Variants in TMEM132B observed in about 807,000 individuals in gnomAD.
TMEM132B encodes transmembrane protein 132B.
TMEM132B carries 18 observed loss-of-function variants against 90.8 expected under a neutral mutation model. That is an observed-to-expected ratio of 0.20 (90% CI 0.14 to 0.29). The LOEUF is 0.29. Ranked by LOEUF, TMEM132B falls within the 10% of genes least tolerant of loss-of-function variation. The pLI is 1.00. For missense variants in TMEM132B, 1,096 were observed against 1,326.8 expected, an observed-to-expected ratio of 0.83 and a Z score of 2.70; for synonymous variants, 504 against 523.3, an observed-to-expected ratio of 0.96 and a Z score of 0.50.
At position 125,652,465 on chromosome 12, in the gene TMEM132B, A is replaced by G; in HGVS notation, c.1939A>G (p.Ile647Val). The change falls in exon 8 of 9, where the codon ATC becomes GTC. Residue 647 changes from isoleucine (I) to valine (V), a missense_variant. By Grantham distance (29) the Ile-to-Val change is conservative. Coordinates refer to ENST00000682704, the MANE Select transcript of TMEM132B (RefSeq NM_001366854.1). ...GGTCCTCTCGCCGTTGTCTGACTCC[A>G]TCCTGGCTGAGAAGACGGTGATTGT... ...VQVLSPLSDS[I>V]LAEKTVIVLD... The G allele has an allele frequency of 6.2e-7, 1 of 1,609,924 alleles. No individual in the cohort carries two copies.
chr12:125,264,970 C>T (rs1379849914), intron 1 of TMEM132B, among the ~76,000 whole-genome samples: 1 of 152,144 alleles, frequency 6.6e-6, no homozygotes, highest in African/African-American at 2.4e-5. Context: ...GTGATTTTGT[C>T]ACTGTGCGAA....
Position 125,411,565 on chromosome 12 carries a change from A to T in TMEM132B, c.960-3966A>T, listed in dbSNP as rs142373954. On this transcript the variant is annotated intron_variant, in intron 2 of 8. Transcript: ENST00000682704. Reference sequence around the variant, plus strand: ...AAAAACCGGAGATGCCCAGTTGGCCAAACCTCTAGGGTACGTGTGAGGGGT... The same window carrying T: ...AAAAACCGGAGATGCCCAGTTGGCCTAACCTCTAGGGTACGTGTGAGGGGT... 3.7e-3 allele frequency among the ~76,000 whole-genome samples: 563 copies of T among 152,296 alleles called. 7 individuals are homozygous for T. Among genetic ancestry groups the T allele is most frequent in the African/African-American group, 0.013 (543 of 41,550 alleles).
At chr12:125,201,182 G>A (rs1283017762) in intron 1 of TMEM132B, among the ~76,000 whole-genome samples, 1 of 152,136 alleles carries the variant, frequency 6.6e-6, no homozygotes, top group African/African-American at 2.4e-5. Context: ...ATTTCAGGGG[G>A]AAAAGTATTG....
intron 4 of TMEM132B, among the ~76,000 whole-genome samples, chr12:125,529,457 C>G (rs910169050): frequency 6.6e-6 from 1 of 152,086 alleles, no homozygotes; most frequent in Non-Finnish European, 1.5e-5. Flanking sequence ...GCCTGGTGGC[C>G]CCAAAGGCCA....
chr12:125,517,326 G>GGTTTTTTTTTTT lies in TMEM132B; in HGVS notation c.1107-2113_1107-2112insGTTTTTTTTTTT, dbSNP rs1566060662. ...CAGGCGCCCGCCACCATGCCCTGCTGATTTTTTTTTTTTTTTTTTTTTTTT... is the reference window on the plus strand; with the variant it reads ...CAGGCGCCCGCCACCATGCCCTGCTGGTTTTTTTTTTTATTTTTTTTTTTTTTTTTTTTTTTT... On this transcript the variant is annotated intron_variant, in intron 3 of 8. Transcript: ENST00000682704. 3.4e-5 allele frequency among the ~76,000 whole-genome samples: 3 copies of GGTTTTTTTTTTT among 88,032 alleles called. 1 individual carries two copies. The highest frequency in any genetic ancestry group is 7.7e-5 in the African/African-American group (2 of 25,968). The allele number at this position is 88,032 out of a possible 152,430, so 57.8% of individuals were successfully genotyped here. A position where few individuals can be genotyped will look rare whatever the true frequency, so the allele number is the denominator to read the frequency against.
At chr12:125,605,319 A>G (rs1462625840) in intron 5 of TMEM132B, among the ~76,000 whole-genome samples, 1 of 152,200 alleles carries the variant, frequency 6.6e-6, no homozygotes, top group Admixed American at 6.5e-5. Context: ...CTGATTGGAC[A>G]GTTAACCGGC....
chr12:125,471,275 T>C (rs1422097500), intron 3 of TMEM132B, among the ~76,000 whole-genome samples: 1 of 152,144 alleles, frequency 6.6e-6, no homozygotes, highest in Non-Finnish European at 1.5e-5. Flanking sequence ...TCCGGGGGTG[T>C]GGTCATATGT....
At chr12:125,439,391 G>A (rs569223377) in intron 3 of TMEM132B, among the ~76,000 whole-genome samples, 1 of 152,232 alleles carries the variant, frequency 6.6e-6, no homozygotes, top group African/African-American at 2.4e-5. Context: ...CACCTCCATA[G>A]TTAGCTGTAT....
intron 2 of TMEM132B, among the ~76,000 whole-genome samples, chr12:125,375,110 T>C (rs1878434685): frequency 6.6e-6 from 1 of 152,234 alleles, no homozygotes; most frequent in Non-Finnish European, 1.5e-5. Context: ...TGCAACTGGA[T>C]AGCACACAAT....
At chr12:125,510,609 C>A (rs924515072) in intron 3 of TMEM132B, among the ~76,000 whole-genome samples, 1 of 152,070 alleles carries the variant, frequency 6.6e-6, no homozygotes, top group Non-Finnish European at 1.5e-5. Flanking sequence ...AATAATATAA[C>A]AAATACTCAT....
In TMEM132B at chr12:125,541,607, C is replaced by A. The variant is rs1165594322; in HGVS notation, c.1293+21982C>A. Reference sequence around the variant, plus strand: ...ATATGCCAAAGTGCTTTATAAATCTCACCCTAAAAGGTGAGAGTGTTCAGC... The same window carrying A: ...ATATGCCAAAGTGCTTTATAAATCTAACCCTAAAAGGTGAGAGTGTTCAGC... On this transcript the variant is annotated intron_variant, in intron 4 of 8. Transcript: ENST00000682704. Among the ~76,000 whole-genome samples, 3 of 152,088 alleles carry A rather than the reference C, an allele frequency of 2.0e-5. No individual in the cohort carries two copies. In the East Asian group the frequency reaches 5.8e-4, roughly 29 times the overall value.
At chr12:125,508,040 C>T (rs1250485108) in intron 3 of TMEM132B, among the ~76,000 whole-genome samples, 1 of 152,146 alleles carries the variant, frequency 6.6e-6, no homozygotes, top group African/African-American at 2.4e-5. Flanking sequence ...GCTTCCTGGA[C>T]ACATTACACG....
At chr12:125,346,711 C>A (rs990678098) in intron 1 of TMEM132B, among the ~76,000 whole-genome samples, 3 of 152,354 alleles carry the variant, frequency 2.0e-5, no homozygotes, top group African/African-American at 7.2e-5. Context: ...TCTCCCTCCT[C>A]TATCTTTTGA....
rs759184529 is a variant in TMEM132B at position 125,415,668 on chromosome 12, C to T, written c.1097C>T (p.Thr366Met). 2.5e-5 allele frequency: 40 copies of T among 1,613,910 alleles called. No homozygotes were observed. The highest frequency in any genetic ancestry group is 2.5e-5 in the Non-Finnish European group (30 of 1,179,978). ...ACCTGCATGGGCCATCGCCCGGACA[C>T]GCAGAGCAGGTAAGCATGGAGATCC... ...TLTCMGHRPD[T>M]QSRVNGSFYE... Residue 366 changes from threonine (T) to methionine (M), a missense_variant, in exon 3 of 9, where the codon ACG (threonine) becomes ATG (methionine). Coordinates refer to ENST00000682704, the MANE Select transcript of TMEM132B (RefSeq NM_001366854.1). The surrounding 1 kb of genome is among the most constrained non-coding windows in gnomAD (Gnocchi z 5.3).
chr12:125,221,541 C>G (rs1408432533), intron 1 of TMEM132B, among the ~76,000 whole-genome samples: 2 of 152,186 alleles, frequency 1.3e-5, no homozygotes, highest in Non-Finnish European at 2.9e-5. Context: ...AACAAATGTT[C>G]AAACAACCAC....
intron 3 of TMEM132B, among the ~76,000 whole-genome samples, chr12:125,432,526 T>TAGAG (rs1257848953): frequency 3.4e-5 from 2 of 58,432 alleles, no homozygotes; most frequent in African/African-American, 8.3e-5. Context: ...TATATATATA[T>TAGAG]ATAGAGAGAG....
chr12:125,573,199 T>A (rs59091400), intron 4 of TMEM132B, among the ~76,000 whole-genome samples: 1,543 of 152,268 alleles, frequency 0.01, 24 homozygotes, highest in African/African-American at 0.035. Flanking sequence ...GCCCTCTCAG[T>A]GAACAGAACT....
chr12:125,229,222 C>T (rs1170226299), intron 1 of TMEM132B, among the ~76,000 whole-genome samples: 4 of 152,178 alleles, frequency 2.6e-5, no homozygotes, highest in South Asian at 2.1e-4. Flanking sequence ...CAGCCAAATG[C>T]GTGCTGATGG....
At position 125,496,624 on chromosome 12, in the gene TMEM132B, G is replaced by T. The variant is rs146256904; in HGVS notation, c.1107-22815G>T. On this transcript the variant is annotated intron_variant, in intron 3 of 8. Transcript: ENST00000682704. ...CCCAGGAGGCAAATGCGGTGCATTG[G>T]CTAGACCTAGGGCTTGATGTGATGG... is the stretch of plus-strand genomic sequence containing the variant. Among the ~76,000 whole-genome samples, 20 of 152,246 alleles carry T rather than the reference G, an allele frequency of 1.3e-4. 1 individual carries two copies. In the East Asian group the frequency reaches 3.9e-3, roughly 30 times the overall value.
Sources: gnomAD v4.1 joint callset for allele counts (sites outside exome capture counted in the v4.1 genomes callset) on GRCh38, gnomAD v4.1.1 for gene constraint, Gnocchi (gnomAD v3.1) non-coding constraint, MANE v1.5 for transcripts, NCBI Gene and HGNC (gene_info 2026-07-23, HGNC 2026-07-21) for gene names.